RAPH1: variants seen among roughly 807,000 people sequenced by gnomAD.
RAPH1 encodes the protein Ras association (RalGDS/AF-6) and pleckstrin homology domains 1, also known as ras-associated and pleckstrin homology domains-containing protein 1.
Under a neutral mutation model 88.1 loss-of-function variants are expected in RAPH1, and 18 were observed. That is an observed-to-expected ratio of 0.20 (90% CI 0.14 to 0.30). The LOEUF is 0.30. Ranked by LOEUF, RAPH1 falls within the 10% of genes least tolerant of loss-of-function variation. RAPH1 has a pLI of 1.00. For missense variants in RAPH1, 1,448 were observed against 1,543.2 expected, an observed-to-expected ratio of 0.94 and a Z score of 1.03; for synonymous variants, 587 against 559.0, an observed-to-expected ratio of 1.05 and a Z score of -0.71.
At chr2:203,463,076 C>T (rs1364454208) in intron 4 of RAPH1, among the ~76,000 whole-genome samples, 1 of 151,828 alleles carries the variant, frequency 6.6e-6, no homozygotes, top group East Asian at 1.9e-4. Context: ...GTGGTGTGTG[C>T]CTGTAACCCC....
At chr2:203,506,862 A>ATATATC (rs1689089838) in intron 1 of RAPH1, among the ~76,000 whole-genome samples, 1 of 76,636 alleles carries the variant, frequency 1.3e-5, no homozygotes, top group African/African-American at 6.0e-5. Context: ...ATATCTATAT[A>ATATATC]TATATATATA....
At position 203,448,019 on chromosome 2, in the gene RAPH1, C is replaced by A; in HGVS notation, c.1573G>T (p.Asp525Tyr). 6.2e-7 allele frequency: 1 copy of A among 1,613,900 alleles called. No homozygotes were observed. The highest frequency in any genetic ancestry group is 8.5e-7 in the Non-Finnish European group (1 of 1,179,838). The change falls in exon 12 of 14, where the codon GAT (aspartate) becomes TAT (tyrosine). Residue 525 changes from aspartate (D) to tyrosine (Y), a missense_variant. This residue lies in a region of RAPH1 where 513 missense variants were observed against 653.1 expected (regional missense o/e 0.79). Transcript: ENST00000319170. The surrounding 1 kb of genome is among the most constrained non-coding windows in gnomAD (Gnocchi z 4.1). ...CTGGAGCTGGATAAGGAAGTCCAAT[C>A]ATAGGCTGACTCTGTCCTCTTCAAG... ...EALKRTESAY[D>Y]WTSLSSSSIK...
rs1248062837 is a variant in RAPH1 at position 203,439,930 on chromosome 2, A to G, written c.3260T>C (p.Ile1087Thr). The G allele has an allele frequency of 4.3e-6, 7 of 1,613,282 alleles. No individual in the cohort carries two copies. Among genetic ancestry groups the G allele is most frequent in the East Asian group, 4.5e-5 (2 of 44,816 alleles). Residue 1087 changes from isoleucine (I) to threonine (T), a missense_variant, in exon 14 of 14, where the codon ATT becomes ACT. By Grantham distance (89) the Ile-to-Thr change is moderately conservative. This residue lies in a region of RAPH1 where 935 missense variants were observed against 890.1 expected (regional missense o/e 1.05). Coordinates refer to ENST00000319170, the MANE Select transcript of RAPH1 (RefSeq NM_213589.3). Reference sequence around the variant, plus strand: ...TCCCGAGAAAACTGCTGGAATCTCAATGGGGGGCAGAGGAAGCTCTGTTTC... The same window carrying G: ...TCCCGAGAAAACTGCTGGAATCTCAGTGGGGGGCAGAGGAAGCTCTGTTTC... ...PPETELPLPP[I>T]EIPAVFSGNT... is the part of the protein sequence containing the mutation.
At chr2:203,459,378 A>G (rs1030365996) in intron 7 of RAPH1, among the ~76,000 whole-genome samples, 1 of 152,198 alleles carries the variant, frequency 6.6e-6, no homozygotes, top group African/African-American at 2.4e-5. Context: ...TAAAATGTCT[A>G]GGTATTGGGA....
At position 203,444,992 on chromosome 2, in the gene RAPH1, G is replaced by C. The variant is rs1193929180; in HGVS notation, c.1652C>G (p.Ser551Cys). Residue 551 changes from serine (S) to cysteine (C), a missense_variant, in exon 13 of 14, where the codon TCC becomes TGC. Ser to Cys is a moderately radical substitution (Grantham distance 112, BLOSUM62 -1). Coordinates refer to ENST00000319170, the MANE Select transcript of RAPH1 (RefSeq NM_213589.3). ...AGAAACTCCGCTATCAGACTGATTG[G>C]AGTGGTTTGACTGAGACTCTGTTTA... ...SSIPESQSNH[S>C]NQSDSGVSDT... 2 of 1,613,598 alleles carry C rather than the reference G, an allele frequency of 1.2e-6. No individual in the cohort carries two copies. The highest frequency in any genetic ancestry group is 1.7e-6 in the Non-Finnish European group (2 of 1,179,894).
At chr2:203,533,608 C>T (rs888848226) in intron 1 of RAPH1, among the ~76,000 whole-genome samples, 5 of 151,910 alleles carry the variant, frequency 3.3e-5, no homozygotes, top group African/African-American at 1.2e-4. Context: ...ACTTAAATGC[C>T]GAGGCTTCCA....
chr2:203,523,285 C>T (rs1025106558), intron 1 of RAPH1, among the ~76,000 whole-genome samples: 13 of 150,920 alleles, frequency 8.6e-5, no homozygotes, highest in Non-Finnish European at 1.3e-4. Flanking sequence ...CCCAGCTACT[C>T]GGGAGGCTGA....
chr2:203,455,254 C>T (rs1489701099), intron 9 of RAPH1, among the ~76,000 whole-genome samples, 183 bp downstream of exon 9: 2 of 152,144 alleles, frequency 1.3e-5, no homozygotes, highest in East Asian at 1.9e-4. Flanking sequence ...CAACTAGTGA[C>T]CAGAGAAGTA....
intron 1 of RAPH1, among the ~76,000 whole-genome samples, chr2:203,534,175 T>C (rs1263244840): frequency 6.6e-6 from 1 of 152,186 alleles, no homozygotes; most frequent in Non-Finnish European, 1.5e-5. Context: ...TAAGCAGCTC[T>C]CCACATTTCC....
intron 4 of RAPH1, among the ~76,000 whole-genome samples, chr2:203,466,268 A>G (rs1320479466): frequency 2.0e-5 from 3 of 152,134 alleles, no homozygotes; most frequent in African/African-American, 7.2e-5. Context: ...TGGAAATGAA[A>G]ATGTTTATGT....
chr2:203,464,562 T>C (rs975020807), intron 4 of RAPH1, among the ~76,000 whole-genome samples: 9 of 152,214 alleles, frequency 5.9e-5, no homozygotes, highest in Admixed American at 6.5e-5. Context: ...TGAGCCACCA[T>C]GCCCAGCCAA....
intron 7 of RAPH1, among the ~76,000 whole-genome samples, chr2:203,457,904 G>C (rs1322930275): frequency 6.6e-6 from 1 of 152,200 alleles, no homozygotes; most frequent in East Asian, 1.9e-4. Context: ...TCTAATGAAA[G>C]CTACGTTAGA....
At chr2:203,527,810 A>G (rs1167222606) in intron 1 of RAPH1, among the ~76,000 whole-genome samples, 1 of 151,144 alleles carries the variant, frequency 6.6e-6, no homozygotes, top group East Asian at 1.9e-4. Context: ...CAAAAAAAAA[A>G]AAAAAAAAAA....
rs372088268 is a variant in RAPH1 at position 203,466,764 on chromosome 2, A to G, written c.733-4839T>C. ...ATCTATTTTCTACTGAAAAACTCCT[A>G]TGTGGCTATCAATAACCACCAATGC... On this transcript the variant is annotated intron_variant, in intron 4 of 13. Transcript: ENST00000319170. Among the ~76,000 whole-genome samples the G allele has an allele frequency of 3.3e-5, 5 of 152,360 alleles. 1 individual carries two copies. The highest frequency in any genetic ancestry group is 1.3e-4 in the Admixed American group (2 of 15,300).
rs201446645 is a variant in RAPH1, at chr2:203,441,203, T to C, written c.1987A>G (p.Met663Val). ...GTTATTGTGCTGTACTTGACGAACA[T>C]TGGGGCTGCTGAGCCTGCAGAAGGT... ...SAPSAGSAAP[M>V]FVKYSTITRL... The change falls in exon 14 of 14, where the codon ATG becomes GTG. Residue 663 changes from methionine (M) to valine (V), a missense_variant. By Grantham distance (21) the Met-to-Val change is conservative. Around this residue, in one of 2 missense-constraint regions of RAPH1, gnomAD observed 935 missense variants for 890.1 expected, o/e 1.05. Coordinates refer to ENST00000319170, the MANE Select transcript of RAPH1 (RefSeq NM_213589.3). 2.1e-4 allele frequency: 310 copies of C among 1,446,394 alleles called. No homozygotes were observed. The Admixed American group carries it at 4.3e-3, about 20-fold the overall frequency. The allele number at this position is 1,446,394 out of a possible 1,614,324, so 89.6% of individuals were successfully genotyped here. A position where few individuals can be genotyped will look rare whatever the true frequency, so the allele number is the denominator to read the frequency against.
intron 1 of RAPH1, among the ~76,000 whole-genome samples, chr2:203,514,944 A>C (rs1022159497): frequency 5.3e-5 from 8 of 152,172 alleles, no homozygotes; most frequent in Non-Finnish European, 1.2e-4. Context: ...AAAGTGTTTA[A>C]AACTAAGTAA....
chr2:203,496,447 TG>T (rs1688520408), intron 1 of RAPH1, among the ~76,000 whole-genome samples: 1 of 152,154 alleles, frequency 6.6e-6, no homozygotes, highest in Non-Finnish European at 1.5e-5. Context: ...CATAAAACAA[TG>T]TAAGATCAAT....
intron 13 of RAPH1, chr2:203,442,055 G>A (rs771562339): frequency 2.1e-5 from 33 of 1,595,388 alleles, no homozygotes; most frequent in Non-Finnish European, 2.8e-5. Context: ...GCAGGTAAAG[G>A]GGGGACATTC....
intron 12 of RAPH1, chr2:203,447,085 T>C (rs538573159): frequency 2.0e-5 from 3 of 151,924 alleles, no homozygotes; most frequent in Admixed American, 6.6e-5. Context: ...CCTTACTTTC[T>C]GGCATTACAA....
Sources: allele counts gnomAD v4.1 joint callset (sites outside exome capture counted in the v4.1 genomes callset), GRCh38; gene constraint gnomAD v4.1.1; regional missense constraint gnomAD v4.1.1; non-coding constraint Gnocchi (gnomAD v3.1); transcripts MANE v1.5; gene names NCBI Gene and HGNC (gene_info 2026-07-23, HGNC 2026-07-21).